EML6: variants seen among roughly 807,000 people sequenced by gnomAD.
The protein encoded by EML6 is echinoderm microtubule-associated protein-like 6.
Under a neutral mutation model 240.1 loss-of-function variants are expected in EML6, and 154 were observed. The ratio of observed to expected loss-of-function variants is 0.64; its 90% confidence interval spans 0.56 to 0.73. The LOEUF (loss-of-function observed/expected upper bound fraction) is 0.73. Among genes scored for constraint, EML6 ranks in the 30% least tolerant of loss-of-function variants. The pLI, the probability that EML6 is intolerant of heterozygous loss-of-function variation, is 0.00. For missense variants in EML6, 2,964 were observed against 2,474.6 expected, an observed-to-expected ratio of 1.20 and a Z score of -4.20; for synonymous variants, 1,148 against 899.0, an observed-to-expected ratio of 1.28 and a Z score of -4.95.
At chr2:54,839,666 G>C (rs562600280) in intron 7 of EML6, among the ~76,000 whole-genome samples, 4 of 152,350 alleles carry the variant, frequency 2.6e-5, no homozygotes, top group South Asian at 4.1e-4. Flanking sequence ...ATCGGAGATG[G>C]TGAGGTGTCA....
At chr2:54,899,862 T>C in intron 22 of EML6, 80 bp downstream of exon 22, 2 of 1,372,508 alleles carry the variant, frequency 1.5e-6, no homozygotes, top group South Asian at 2.9e-5. Flanking sequence ...CAGTTAATAT[T>C]TACTGAGGGC....
chr2:54,895,093 T>A, intron 20 of EML6, 67 bp downstream of exon 20: 7 of 1,393,512 alleles, frequency 5.0e-6, no homozygotes, highest in African/African-American at 4.3e-5. Flanking sequence ...GTACTAAAGT[T>A]TTTAGAAAAC....
intron 2 of EML6, among the ~76,000 whole-genome samples, chr2:54,750,602 G>A (rs1341805705): frequency 6.6e-6 from 1 of 152,198 alleles, no homozygotes; most frequent in Non-Finnish European, 1.5e-5. Flanking sequence ...TCTCTTGGCT[G>A]TGTTTCTCTC....
intron 17 of EML6, chr2:54,882,923 C>A (rs567365689): frequency 1.0e-4 from 15 of 145,992 alleles, no homozygotes; most frequent in African/African-American, 3.8e-4. Context: ...GCGTATCGAA[C>A]TTCCAAGTAA....
intron 16 of EML6, 119 bp downstream of exon 16, chr2:54,871,724 C>T (rs1671269429): frequency 6.8e-6 from 5 of 738,048 alleles, no homozygotes; most frequent in Non-Finnish European, 7.1e-6. Context: ...CCCACTTAGT[C>T]GTTCTGTTTG....
intron 2 of EML6, among the ~76,000 whole-genome samples, chr2:54,732,217 A>G (rs1683206726): frequency 6.6e-6 from 1 of 150,972 alleles, no homozygotes; most frequent in Non-Finnish European, 1.5e-5. Context: ...CTTATATATT[A>G]TTTGCAGACT....
intron 24 of EML6, among the ~76,000 whole-genome samples, chr2:54,906,752 CAT>C (rs1308888055): frequency 6.6e-6 from 1 of 152,196 alleles, no homozygotes; most frequent in African/African-American, 2.4e-5. Context: ...AGCCATGAGA[CAT>C]GTGTCATCCT....
At chr2:54,857,435 C>G (rs1670445129) in intron 11 of EML6, among the ~76,000 whole-genome samples, 2 of 152,152 alleles carry the variant, frequency 1.3e-5, no homozygotes, top group Non-Finnish European at 2.9e-5. Context: ...TTCATTTATT[C>G]AAGAAGTGTT....
At chr2:54,819,402 G>C (rs983396967) in intron 4 of EML6, among the ~76,000 whole-genome samples, 1 of 152,218 alleles carries the variant, frequency 6.6e-6, no homozygotes, top group Non-Finnish European at 1.5e-5. Flanking sequence ...TGGGCAATTT[G>C]ATTCTCAGGA....
chr2:54,812,862 A>G (rs994464113), intron 2 of EML6, among the ~76,000 whole-genome samples: 1 of 152,236 alleles, frequency 6.6e-6, no homozygotes, highest in Non-Finnish European at 1.5e-5. Flanking sequence ...CATTTAAAAA[A>G]AAATTAAAGT....
intron 11 of EML6, among the ~76,000 whole-genome samples, chr2:54,858,967 GTA>G (rs1670532886): frequency 1.3e-5 from 2 of 152,176 alleles, no homozygotes; most frequent in Non-Finnish European, 2.9e-5. Flanking sequence ...ATGCCGCTGT[GTA>G]CTGAGCATAT....
Position 54,897,314 on chromosome 2 carries a change from T to A in EML6, c.2982+1914T>A, listed in dbSNP as rs373746022. ...TCTTAATTCTCTACAATTCTATTCT[T>A]TCCTATGTTTGTTTCTATTGCTCTA... On this transcript the variant is annotated intron_variant, in intron 21 of 41. Coordinates refer to ENST00000356458, the MANE Select transcript of EML6 (RefSeq NM_001039753.4). 9.8e-5 allele frequency among the ~76,000 whole-genome samples: 15 copies of A among 152,344 alleles called. No individual in the cohort carries two copies. The East Asian group carries it at 1.5e-3, about 16-fold the overall frequency.
intron 17 of EML6, among the ~76,000 whole-genome samples, chr2:54,884,686 G>A (rs1672026946): frequency 1.3e-5 from 2 of 152,196 alleles, no homozygotes; most frequent in African/African-American, 4.8e-5. Flanking sequence ...ATGGCACTAA[G>A]AAATCAGATG....
At chr2:54,751,420 G>A (rs977849965) in intron 2 of EML6, among the ~76,000 whole-genome samples, 1 of 152,014 alleles carries the variant, frequency 6.6e-6, no homozygotes, top group South Asian at 2.1e-4. Flanking sequence ...TGAGCAGAAG[G>A]TTCACAAGGA....
intron 41 of EML6, among the ~76,000 whole-genome samples, chr2:54,969,219 C>G (rs1676884466): frequency 6.6e-6 from 1 of 152,168 alleles, no homozygotes. Flanking sequence ...TATAGAGGAA[C>G]AGGTCTAGGT....
At position 54,847,429 on chromosome 2, in the gene EML6, G is replaced by A. The variant is rs964540842; in HGVS notation, c.1050-57G>A. 3.9e-6 allele frequency: 6 copies of A among 1,531,076 alleles called. No individual in the cohort carries two copies. The Admixed American group carries it at 1.2e-4, about 30-fold the overall frequency. 94.8% of individuals were successfully genotyped at this position (1,531,076 alleles called of 1,614,324 possible). ...TGAGCAGCCCTTCTTGCCTTGGGCT[G>A]GCCGATGACCATGGGAAGTTGGTTT... On this transcript the variant is annotated intron_variant, in intron 8 of 41. Transcript: ENST00000356458.
intron 28 of EML6, among the ~76,000 whole-genome samples, chr2:54,945,476 T>A (rs982870023): frequency 3.3e-5 from 5 of 152,028 alleles, no homozygotes; most frequent in African/African-American, 1.2e-4. Flanking sequence ...GAACTGAGTT[T>A]CCCCACACTC....
chr2:54,872,721 A>G (rs1573041895), intron 16 of EML6, among the ~76,000 whole-genome samples: 1 of 152,198 alleles, frequency 6.6e-6, no homozygotes, highest in African/African-American at 2.4e-5. Flanking sequence ...TGTGGAGGCT[A>G]CATGCACTCT....
intron 2 of EML6, among the ~76,000 whole-genome samples, chr2:54,726,392 T>G (rs1682909060): frequency 6.6e-6 from 1 of 152,246 alleles, no homozygotes; most frequent in Admixed American, 6.5e-5. Context: ...AGAGAATGAT[T>G]TCAAAGATCA....
Sources: allele counts gnomAD v4.1 joint callset (sites outside exome capture counted in the v4.1 genomes callset), GRCh38; gene constraint gnomAD v4.1.1; transcripts MANE v1.5; gene names NCBI Gene and HGNC (gene_info 2026-07-23, HGNC 2026-07-21).